The following NFILZ variants were observed in gnomAD, a reference collection of about 807,000 sequenced individuals.
NFILZ encodes NFIL3 like protein.
chr19:8,662,731 G>C (rs1350807234), intron 3 of NFILZ, among the ~76,000 whole-genome samples: 2 of 151,636 alleles, frequency 1.3e-5, no homozygotes, highest in African/African-American at 4.8e-5. Context: ...CCGCCTCCTG[G>C]GTTCAAGCAG....
intron 3 of NFILZ, among the ~76,000 whole-genome samples, chr19:8,663,742 G>A (rs1299477438): frequency 8.3e-5 from 7 of 83,952 alleles, no homozygotes; most frequent in South Asian, 3.8e-4. Flanking sequence ...GTGTGTGTGT[G>A]TGTGTGTGTG....
At chr19:8,661,104 T>TCCCTTCC (rs2043029417) in intron 3 of NFILZ, among the ~76,000 whole-genome samples, 1 of 30,310 alleles carries the variant, frequency 3.3e-5, no homozygotes, top group African/African-American at 1.3e-4. Context: ...CCCTTCCTCC[T>TCCCTTCC]TCCTTCCTTC....
chr19:8,661,258 G>T (rs950104632), intron 3 of NFILZ, among the ~76,000 whole-genome samples: 14 of 150,582 alleles, frequency 9.3e-5, no homozygotes, highest in African/African-American at 3.4e-4. Context: ...GACCTCCTGG[G>T]TTCAAGCAAT....
chr19:8,657,291 G>A (rs541788596), intron 3 of NFILZ, among the ~76,000 whole-genome samples: 41 of 151,706 alleles, frequency 2.7e-4, no homozygotes, highest in African/African-American at 9.4e-4. Flanking sequence ...TTTGTAGAGA[G>A]GGGGGTTTCA....
intron 3 of NFILZ, among the ~76,000 whole-genome samples, chr19:8,642,310 C>T (rs1431054067): frequency 6.6e-6 from 1 of 152,174 alleles, no homozygotes; most frequent in Non-Finnish European, 1.5e-5. Flanking sequence ...ATGGTGATCA[C>T]ATGCATGTCT....
chr19:8,665,972 CTGGCCACA>C (rs1555749730), intron 3 of NFILZ, among the ~76,000 whole-genome samples: 1 of 152,130 alleles, frequency 6.6e-6, no homozygotes, highest in Admixed American at 6.5e-5. Context: ...GGGCTACCCT[CTGGCCACA>C]TGGGTGGAGG....
Position 8,678,500 on chromosome 19 carries a change from C to G in NFILZ, c.*865C>G, listed in dbSNP as rs144140374. Among the ~76,000 whole-genome samples the G allele has an allele frequency of 2.0e-5, 3 of 150,858 alleles. No homozygotes were observed. Among genetic ancestry groups the G allele is most frequent in the Admixed American group, 2.0e-4 (3 of 15,136 alleles). On this transcript the variant is annotated 3_prime_UTR_variant, in exon 6 of 6. Transcript: ENST00000691075. ...TTCTTTCTTGCTTCTATCCATTTTC[C>G]CATCCACACACCTATCCATTCATCC...
chr19:8,674,681 C>T (rs2043103196), intron 4 of NFILZ, among the ~76,000 whole-genome samples, 81 bp downstream of exon 4: 1 of 152,060 alleles, frequency 6.6e-6, no homozygotes, highest in Non-Finnish European at 1.5e-5. Flanking sequence ...TAGGAACATA[C>T]TTTGGGAAAT....
intron 1 of NFILZ, among the ~76,000 whole-genome samples, chr19:8,631,838 G>A (rs1028666446): frequency 4.5e-4 from 65 of 145,176 alleles, no homozygotes; most frequent in African/African-American, 1.3e-3. Flanking sequence ...TTTTGTGTGT[G>A]TGTGTGTGTG....
chr19:8,647,795 GCA>G (rs879996864), intron 3 of NFILZ, among the ~76,000 whole-genome samples: 1,175 of 76,182 alleles, frequency 0.015, 20 homozygotes, highest in African/African-American at 0.053. Context: ...GCGCGCGCGC[GCA>G]CACACACACA....
At chr19:8,639,444 A>G (rs2042909431) in intron 3 of NFILZ, among the ~76,000 whole-genome samples, 1 of 152,060 alleles carries the variant, frequency 6.6e-6, no homozygotes, top group Non-Finnish European at 1.5e-5. Flanking sequence ...ACAAAACGCA[A>G]CAATTAGCCA....
At chr19:8,639,001 C>A (rs528734838) in intron 3 of NFILZ, among the ~76,000 whole-genome samples, 50 of 152,048 alleles carry the variant, frequency 3.3e-4, no homozygotes, top group Admixed American at 1.1e-3. Flanking sequence ...CACCACCATG[C>A]CCAGCTAATT....
chr19:8,654,331 A>AAAAT (rs540725168), intron 3 of NFILZ, among the ~76,000 whole-genome samples: 1 of 150,126 alleles, frequency 6.7e-6, no homozygotes. Context: ...AAAAAAAAAA[A>AAAAT]TTATGGCTGG....
At chr19:8,664,243 G>A (rs1555749526) in intron 3 of NFILZ, among the ~76,000 whole-genome samples, 1 of 152,186 alleles carries the variant, frequency 6.6e-6, no homozygotes, top group East Asian at 1.9e-4. Flanking sequence ...GCAAACCTGT[G>A]CCCATTTCAC....
chr19:8,648,266 C>A (rs1281489664), intron 3 of NFILZ, among the ~76,000 whole-genome samples: 1 of 151,186 alleles, frequency 6.6e-6, no homozygotes, highest in Non-Finnish European at 1.5e-5. Context: ...CCATGACACA[C>A]GTTTACCTAT....
chr19:8,633,458 A>G (rs1029908023), intron 2 of NFILZ, among the ~76,000 whole-genome samples: 16 of 152,104 alleles, frequency 1.1e-4, no homozygotes, highest in African/African-American at 3.6e-4. Context: ...TGTTATTGGC[A>G]GTGAGGTAGG....
chr19:8,641,278 C>T (rs2042918074), intron 3 of NFILZ, among the ~76,000 whole-genome samples: 1 of 151,946 alleles, frequency 6.6e-6, no homozygotes, highest in Non-Finnish European at 1.5e-5. Flanking sequence ...TCTTGAACTC[C>T]CAGGCTCAAG....
intron 3 of NFILZ, among the ~76,000 whole-genome samples, chr19:8,665,557 T>C (rs2043058093): frequency 6.6e-6 from 1 of 152,152 alleles, no homozygotes; most frequent in South Asian, 2.1e-4. Flanking sequence ...CCCAGGCTGG[T>C]CTCCAGCTCC....
At chr19:8,647,512 C>A (rs1027484250) in intron 3 of NFILZ, among the ~76,000 whole-genome samples, 12 of 151,578 alleles carry the variant, frequency 7.9e-5, no homozygotes, top group East Asian at 5.9e-4. Flanking sequence ...GTGGAGGTTG[C>A]AGTGAGCCGA....
Sources: allele counts gnomAD v4.1 joint callset (sites outside exome capture counted in the v4.1 genomes callset), GRCh38; gene constraint gnomAD v4.1.1; transcripts MANE v1.5; gene names NCBI Gene and HGNC (gene_info 2026-07-23, HGNC 2026-07-21).